CTNNA3: variants seen among roughly 807,000 people sequenced by gnomAD.
CTNNA3 encodes catenin alpha-3.
Under a neutral mutation model 95.7 loss-of-function variants are expected in CTNNA3, and 76 were observed. The observed-to-expected ratio is 0.79, with a 90% confidence interval of 0.66 to 0.96. The LOEUF is 0.96. CTNNA3 is among the 40% of genes least tolerant of loss of function. CTNNA3 has a pLI of 0.00. For missense variants in CTNNA3, 1,191 were observed against 1,089.8 expected (o/e 1.09, Z -1.31); for synonymous variants, 431 against 374.4 (o/e 1.15, Z -1.74).
chr10:67,753,619 G>C (rs1278819046), intron 1 of CTNNA3, among the ~76,000 whole-genome samples: 1 of 151,952 alleles, frequency 6.6e-6, no homozygotes, highest in Non-Finnish European at 1.5e-5. Context: ...AAATTTACAA[G>C]AAAACAACAA....
At chr10:66,319,355 A>G (rs1333250494) in intron 12 of CTNNA3, among the ~76,000 whole-genome samples, 4 of 151,946 alleles carry the variant, frequency 2.6e-5, no homozygotes, top group Admixed American at 2.6e-4. Flanking sequence ...AATTGAGGGA[A>G]GCAATATGCC....
chr10:67,146,929 C>T (rs1860875297), intron 7 of CTNNA3, among the ~76,000 whole-genome samples: 1 of 152,128 alleles, frequency 6.6e-6, no homozygotes, highest in Non-Finnish European at 1.5e-5. Context: ...CAGTAACATG[C>T]TGTACAGATT....
At chr10:66,392,265 T>C (rs2092939553) in intron 11 of CTNNA3, among the ~76,000 whole-genome samples, 1 of 151,738 alleles carries the variant, frequency 6.6e-6, no homozygotes, top group Admixed American at 6.6e-5. Flanking sequence ...CCGTCTCTAC[T>C]TTAAAAATAC....
chr10:66,122,321 T>C (rs373275571), intron 13 of CTNNA3, among the ~76,000 whole-genome samples: 1 of 152,058 alleles, frequency 6.6e-6, no homozygotes, highest in Non-Finnish European at 1.5e-5. Flanking sequence ...GAAAAAAAAT[T>C]ACTTAATAAA....
chr10:66,758,860 A>C (rs1336403762), intron 9 of CTNNA3, among the ~76,000 whole-genome samples: 1 of 152,014 alleles, frequency 6.6e-6, no homozygotes, highest in Non-Finnish European at 1.5e-5. Context: ...TCTTGAATCC[A>C]GGAGGCAGAG....
At chr10:66,867,589 C>T (rs1418046612) in intron 7 of CTNNA3, among the ~76,000 whole-genome samples, 1 of 152,116 alleles carries the variant, frequency 6.6e-6, no homozygotes, top group African/African-American at 2.4e-5. Flanking sequence ...CATAAAGCAC[C>T]TGACTCCTCG....
intron 5 of CTNNA3, among the ~76,000 whole-genome samples, chr10:67,231,035 G>A (rs1279739759): frequency 4.6e-5 from 7 of 152,202 alleles, no homozygotes; most frequent in Non-Finnish European, 1.0e-4. Context: ...CGCCCACCGA[G>A]TCTCGCTGAT....
At chr10:67,309,979 C>A (rs1840720214) in intron 5 of CTNNA3, among the ~76,000 whole-genome samples, 1 of 152,212 alleles carries the variant, frequency 6.6e-6, no homozygotes, top group African/African-American at 2.4e-5. Flanking sequence ...TTTCTATTTA[C>A]CCAAACAAGC....
intron 7 of CTNNA3, among the ~76,000 whole-genome samples, chr10:67,050,378 T>C (rs374352261): frequency 2.6e-5 from 4 of 152,314 alleles, no homozygotes; most frequent in Admixed American, 1.3e-4. Context: ...AATATATCTT[T>C]AGCTAAGGTG....
At chr10:66,749,411 A>G (rs1266058243) in intron 9 of CTNNA3, among the ~76,000 whole-genome samples, 2 of 151,986 alleles carry the variant, frequency 1.3e-5, no homozygotes, top group African/African-American at 4.8e-5. Context: ...CTAATCTTTT[A>G]CTGTCCACAT....
chr10:67,386,037 C>T (rs1039597033), intron 5 of CTNNA3, among the ~76,000 whole-genome samples: 15 of 152,044 alleles, frequency 9.9e-5, no homozygotes, highest in African/African-American at 1.7e-4. Flanking sequence ...TACATTGTTT[C>T]GAGCATCTAA....
chr10:67,021,744 T>C (rs1474386380), intron 7 of CTNNA3, among the ~76,000 whole-genome samples: 1 of 152,196 alleles, frequency 6.6e-6, no homozygotes, highest in African/African-American at 2.4e-5. Flanking sequence ...TTTCTGGACT[T>C]CTTAAAATGT....
At chr10:67,542,841 C>T (rs1370929505) in intron 3 of CTNNA3, among the ~76,000 whole-genome samples, 3 of 152,076 alleles carry the variant, frequency 2.0e-5, no homozygotes, top group African/African-American at 7.2e-5. Context: ...TGATTTCTGA[C>T]AGGAGAAAAT....
chr10:66,902,365 G>C (rs551790330), intron 7 of CTNNA3, among the ~76,000 whole-genome samples: 73 of 152,130 alleles, frequency 4.8e-4, no homozygotes, highest in African/African-American at 1.7e-3. Context: ...CAGAATTTTG[G>C]GACATATTTA....
At chr10:67,737,685 C>T (rs1271774575) in intron 1 of CTNNA3, among the ~76,000 whole-genome samples, 1 of 152,102 alleles carries the variant, frequency 6.6e-6, no homozygotes, top group Non-Finnish European at 1.5e-5. Context: ...CAGAGAAATG[C>T]AAATCAAAAC....
At chr10:66,271,636 T>G (rs986806526) in intron 13 of CTNNA3, among the ~76,000 whole-genome samples, 4 of 152,180 alleles carry the variant, frequency 2.6e-5, no homozygotes, top group African/African-American at 4.8e-5. Context: ...CACCTGGAGA[T>G]GTTTTCAAAG....
At chr10:66,677,258 A>G (rs1019515622) in intron 9 of CTNNA3, among the ~76,000 whole-genome samples, 3 of 152,234 alleles carry the variant, frequency 2.0e-5, no homozygotes, top group South Asian at 4.2e-4. Context: ...GTTACTAAAA[A>G]AACATACACA....
chr10:67,726,635 A>T (rs1285698394), intron 1 of CTNNA3, among the ~76,000 whole-genome samples: 5 of 76,708 alleles, frequency 6.5e-5, no homozygotes, highest in African/African-American at 2.7e-4. Context: ...ATTATATTAT[A>T]TATAATATAT....
chr10:66,219,966 T>C (rs773700004), intron 13 of CTNNA3, among the ~76,000 whole-genome samples: 16 of 151,760 alleles, frequency 1.1e-4, no homozygotes, highest in Non-Finnish European at 1.9e-4. Flanking sequence ...TCTACTAAAA[T>C]ACAAAAATTA....
Sources: allele counts gnomAD v4.1 joint callset (sites outside exome capture counted in the v4.1 genomes callset), GRCh38; gene constraint gnomAD v4.1.1; transcripts MANE v1.5; gene names NCBI Gene and HGNC (gene_info 2026-07-23, HGNC 2026-07-21).